The following PTK2B variants were observed in gnomAD, a reference collection of about 807,000 sequenced individuals.
PTK2B encodes protein-tyrosine kinase 2-beta.
In PTK2B, 71 loss-of-function variants were observed where a neutral mutation model predicts 142.9. The observed-to-expected ratio is 0.50, with a 90% CI of 0.41 to 0.61. PTK2B has a LOEUF of 0.61. PTK2B is among the 20% of genes least tolerant of loss of function. The probability of loss-of-function intolerance (pLI) is 0.00; values close to 1 mark genes in which losing one functional copy is unlikely to be tolerated. For synonymous variants in PTK2B, 519 were observed against 503.4 expected (o/e 1.03, Z -0.42); for missense variants, 1,105 against 1,320.4 (o/e 0.84, Z 2.53).
intron 1 of PTK2B, chr8:27,326,732 G>A (rs1263155072): frequency 1.3e-5 from 2 of 152,928 alleles, no homozygotes; most frequent in African/African-American, 4.8e-5. Context: ...AGGGGGAGGA[G>A]GACACTGATG....
intron 1 of PTK2B, among the ~76,000 whole-genome samples, chr8:27,341,646 A>G (rs1804407947): frequency 6.6e-6 from 1 of 152,158 alleles, no homozygotes; most frequent in East Asian, 1.9e-4. Context: ...CAGTGGCATC[A>G]GAATCACTTG....
intron 1 of PTK2B, among the ~76,000 whole-genome samples, chr8:27,344,377 C>T (rs534265487): frequency 6.6e-6 from 1 of 152,338 alleles, no homozygotes; most frequent in East Asian, 1.9e-4. Context: ...ACTTCCCAGC[C>T]ATGTGACCTC....
chr8:27,332,796 G>T (rs548124960), intron 1 of PTK2B, among the ~76,000 whole-genome samples: 75 of 152,244 alleles, frequency 4.9e-4, no homozygotes, highest in African/African-American at 1.6e-3. Flanking sequence ...TGGCCAGGCT[G>T]GTGTTGAACA....
chr8:27,342,753 T>G (rs2130136148), intron 1 of PTK2B, among the ~76,000 whole-genome samples: 1 of 152,348 alleles, frequency 6.6e-6, no homozygotes. Flanking sequence ...CCTTATTTTA[T>G]CATTCATTGG....
Position 27,439,144 on chromosome 8 carries a change from C to T in PTK2B, c.1744+13C>T. 1 of 1,609,434 alleles carries T rather than the reference C, an allele frequency of 6.2e-7. No homozygotes were observed. Among genetic ancestry groups the T allele is most frequent in the Non-Finnish European group, 8.5e-7 (1 of 1,175,762 alleles). On this transcript the variant is annotated intron_variant, in intron 19 of 30. Transcript: ENST00000346049. ...GACTATTACAAAGGTGAGGGGGCTT[C>T]CCAGCCTCTGCATTGGCCTTGGAGG... is the stretch of plus-strand genomic sequence containing the variant.
intron 2 of PTK2B, among the ~76,000 whole-genome samples, chr8:27,399,365 G>A (rs1287657807): frequency 6.6e-6 from 1 of 152,200 alleles, no homozygotes; most frequent in Non-Finnish European, 1.5e-5. Flanking sequence ...TCAAAAGGCA[G>A]GGAGGCCTCT....
At position 27,445,893 on chromosome 8, in the gene PTK2B, A is replaced by G. The variant is rs773280449; in HGVS notation, c.2314A>G (p.Asn772Asp). The G allele has an allele frequency of 1.9e-6, 3 of 1,613,964 alleles. No individual in the cohort carries two copies. The highest frequency in any genetic ancestry group is 2.5e-6 in the Non-Finnish European group (3 of 1,180,030). ...GCACACCCCACCTCTCCACCGGCACAATGTCTTCAAACGCCACAGCATGCG... is the reference window on the plus strand; with the variant it reads ...GCACACCCCACCTCTCCACCGGCACGATGTCTTCAAACGCCACAGCATGCG... Reference protein sequence around the residue: ...SLHTPPLHRHNVFKRHSMREE... With the variant: ...SLHTPPLHRHDVFKRHSMREE... Residue 772 changes from asparagine (N) to aspartate (D), a missense_variant, in exon 24 of 31, where the codon AAT (asparagine) becomes GAT (aspartate). By Grantham distance (23) the Asn-to-Asp change is conservative. Coordinates refer to ENST00000346049, the MANE Select transcript of PTK2B (RefSeq NM_173176.3).
At chr8:27,342,375 C>T (rs1804457086) in intron 1 of PTK2B, among the ~76,000 whole-genome samples, 2 of 152,080 alleles carry the variant, frequency 1.3e-5, no homozygotes, top group South Asian at 4.1e-4. Context: ...CAGTCTCAAC[C>T]TCCCAGGCCC....
At chr8:27,427,307 C>A (rs1810145622) in intron 5 of PTK2B, among the ~76,000 whole-genome samples, 1 of 152,192 alleles carries the variant, frequency 6.6e-6, no homozygotes, top group African/African-American at 2.4e-5. Flanking sequence ...GAAGCCTTTT[C>A]TGCCCCATCC....
chr8:27,435,271 T>C (rs1028143083), intron 13 of PTK2B, among the ~76,000 whole-genome samples: 3 of 152,194 alleles, frequency 2.0e-5, no homozygotes, highest in African/African-American at 7.2e-5. Flanking sequence ...TTCTTCTGTG[T>C]ACATGAGCAC....
At chr8:27,392,447 A>G (rs1807783527) in intron 1 of PTK2B, among the ~76,000 whole-genome samples, 1 of 151,954 alleles carries the variant, frequency 6.6e-6, no homozygotes, top group Non-Finnish European at 1.5e-5. Flanking sequence ...GTCCCACTTT[A>G]TTGCTTACGA....
intron 23 of PTK2B, 71 bp downstream of exon 23, chr8:27,444,342 G>A: frequency 7.9e-6 from 12 of 1,528,522 alleles, no homozygotes; most frequent in Non-Finnish European, 1.1e-5. Flanking sequence ...CCATTCTTGT[G>A]CCTTAGAGGA....
intron 1 of PTK2B, among the ~76,000 whole-genome samples, chr8:27,358,494 C>T (rs1283188889): frequency 2.6e-5 from 4 of 152,078 alleles, no homozygotes; most frequent in Non-Finnish European, 4.4e-5. Context: ...TATCAACTTT[C>T]ACTTAGTAAC....
At chr8:27,445,733 G>A (rs948706210) in intron 23 of PTK2B, 61 bp from the exon 24 acceptor site, 17 of 1,603,606 alleles carry the variant, frequency 1.1e-5, no homozygotes, top group Non-Finnish European at 1.4e-5. Flanking sequence ...GTTTGTAGCA[G>A]CTAATTGTCT....
At position 27,458,556 on chromosome 8, in the gene PTK2B, T is replaced by C; in HGVS notation, c.*47T>C. On this transcript the variant is annotated 3_prime_UTR_variant, in exon 31 of 31. Transcript: ENST00000346049. ...CTGCGTCTTCCGCCCCTGCCTGCCA[T>C]GTACCTCCCCTGCCTTGCTGTTGGT... 4 of 1,530,796 alleles carry C rather than the reference T, an allele frequency of 2.6e-6. No homozygotes were observed. The South Asian group carries it at 3.6e-5, about 14-fold the overall frequency. 94.8% of individuals were successfully genotyped at this position (1,530,796 alleles called of 1,614,324 possible).
intron 1 of PTK2B, among the ~76,000 whole-genome samples, chr8:27,374,501 T>C (rs6557994): frequency 0.42 from 63,384 of 152,110 alleles, 15,204 homozygotes; most frequent in African/African-American, 0.66. Context: ...TTGTGATTTC[T>C]GTGGGAAGGA....
intron 1 of PTK2B, among the ~76,000 whole-genome samples, chr8:27,344,208 A>G (rs764263232): frequency 3.3e-5 from 5 of 151,968 alleles, no homozygotes; most frequent in African/African-American, 4.8e-5. Context: ...CCTCCCCAGC[A>G]TGAGGTTGGA....
At position 27,331,054 on chromosome 8, in the gene PTK2B, GA is replaced by G. The variant is rs1343766799; in HGVS notation, c.-38+5376del. The stretch of plus-strand genomic sequence containing the variant: ...GTTCTCTCTCTTCCTTTTATGTTCT[GA>G]AATCCACCCACACAGAATCTGGTAA... On this transcript the variant is annotated intron_variant, in intron 1 of 30. Transcript: ENST00000346049. Among the ~76,000 whole-genome samples the G allele has an allele frequency of 3.9e-5, 6 of 152,250 alleles. 1 individual carries two copies. Among genetic ancestry groups the G allele is most frequent in the Admixed American group, 3.3e-4 (5 of 15,294 alleles).
At chr8:27,436,575 T>C (rs1398284458) in intron 15 of PTK2B, among the ~76,000 whole-genome samples, 1 of 151,778 alleles carries the variant, frequency 6.6e-6, no homozygotes, top group Non-Finnish European at 1.5e-5. Flanking sequence ...GGTGGAGATA[T>C]AGGCAGAACC....
Sources: allele counts gnomAD v4.1 joint callset (sites outside exome capture counted in the v4.1 genomes callset), GRCh38; gene constraint gnomAD v4.1.1; transcripts MANE v1.5; gene names NCBI Gene and HGNC (gene_info 2026-07-23, HGNC 2026-07-21).